Variants in NKAIN2 observed in about 807,000 individuals in gnomAD.
NKAIN2 encodes the protein sodium/potassium-transporting ATPase subunit beta-1-interacting protein 2.
In NKAIN2, 14 loss-of-function variants were observed where a neutral mutation model predicts 32.6. The observed-to-expected ratio is 0.43, with a 90% CI of 0.28 to 0.67. The LOEUF (loss-of-function observed/expected upper bound fraction) is 0.67, where lower values mean the gene tolerates loss of function less well. Among genes scored for constraint, NKAIN2 ranks in the 30% least tolerant of loss-of-function variants. The pLI, the probability that NKAIN2 is intolerant of heterozygous loss-of-function variation, is 0.17. For missense variants in NKAIN2, 198 were observed against 258.3 expected (o/e 0.77, Z 1.60); for synonymous variants, 80 against 87.2 (o/e 0.92, Z 0.46).
At chr6:123,960,423 CA>C (rs756550256) in intron 1 of NKAIN2, among the ~76,000 whole-genome samples, 29 of 152,166 alleles carry the variant, frequency 1.9e-4, no homozygotes, top group Non-Finnish European at 3.5e-4. Context: ...CACCACCAAG[CA>C]GGCTTTGAAG....
At chr6:124,763,993 G>A (rs1307867957) in intron 4 of NKAIN2, among the ~76,000 whole-genome samples, 1 of 152,006 alleles carries the variant, frequency 6.6e-6, no homozygotes, top group Middle Eastern at 3.2e-3. Context: ...GTTTGCTTTG[G>A]TCCTATGATC....
At chr6:124,238,073 AG>A (rs1220379804) in intron 1 of NKAIN2, among the ~76,000 whole-genome samples, 3 of 152,120 alleles carry the variant, frequency 2.0e-5, no homozygotes, top group African/African-American at 7.2e-5. Context: ...AAGATAAAAC[AG>A]AACAAATGAT....
intron 4 of NKAIN2, among the ~76,000 whole-genome samples, chr6:124,767,795 G>T (rs979086007): frequency 6.6e-6 from 1 of 152,126 alleles, no homozygotes; most frequent in African/African-American, 2.4e-5. Flanking sequence ...CACTGCACTT[G>T]CCCATTTATT....
At chr6:124,155,145 G>T (rs1323140401) in intron 1 of NKAIN2, among the ~76,000 whole-genome samples, 2 of 152,004 alleles carry the variant, frequency 1.3e-5, no homozygotes, top group Admixed American at 1.3e-4. Context: ...ATTAATTCTA[G>T]TTATCCCAAC....
chr6:123,842,674 G>GTT (rs5879704), intron 1 of NKAIN2, among the ~76,000 whole-genome samples: 1 of 147,888 alleles, frequency 6.8e-6, no homozygotes, highest in African/African-American at 2.5e-5. Context: ...CTATGTTTTT[G>GTT]TTTTTTTTTT....
rs149811157 is a variant in NKAIN2, at chr6:124,362,686, A to T, written c.273+7339A>T. On this transcript the variant is annotated intron_variant, in intron 3 of 6. Coordinates refer to ENST00000368417, the MANE Select transcript of NKAIN2 (RefSeq NM_001040214.3). ...TTCCTGCTGGTGTCAGGTCAATTCT[A>T]TTGTCACCTTAAATTCAAAATGTCC... Among the ~76,000 whole-genome samples the T allele has an allele frequency of 9.6e-3, 1,455 of 152,190 alleles. 25 individuals are homozygous for T. Among genetic ancestry groups the T allele is most frequent in the African/African-American group, 0.033 (1,384 of 41,522 alleles).
At chr6:124,252,616 A>G (rs1322418505) in intron 1 of NKAIN2, among the ~76,000 whole-genome samples, 1 of 151,998 alleles carries the variant, frequency 6.6e-6, no homozygotes, top group African/African-American at 2.4e-5. Flanking sequence ...GTGTAAATAT[A>G]TAAAGACAAA....
intron 1 of NKAIN2, among the ~76,000 whole-genome samples, chr6:124,211,060 T>G (rs369551138): frequency 1.3e-5 from 2 of 151,738 alleles, no homozygotes; most frequent in East Asian, 3.9e-4. Flanking sequence ...GAGAAAATCA[T>G]GTAGAATATG....
At chr6:123,896,535 C>A (rs1479379572) in intron 1 of NKAIN2, among the ~76,000 whole-genome samples, 1 of 152,126 alleles carries the variant, frequency 6.6e-6, no homozygotes, top group South Asian at 2.1e-4. Flanking sequence ...AGCACATGAC[C>A]ATTCATGATG....
chr6:123,881,570 A>G (rs889042341), intron 1 of NKAIN2, among the ~76,000 whole-genome samples: 2 of 152,216 alleles, frequency 1.3e-5, no homozygotes, highest in Non-Finnish European at 2.9e-5. Context: ...AATGGATCGC[A>G]TAGAAAATGC....
chr6:124,658,039 C>T (rs1174968183), intron 3 of NKAIN2, 147 bp from the exon 4 acceptor site: 7 of 594,324 alleles, frequency 1.2e-5, no homozygotes, highest in East Asian at 5.5e-5. Flanking sequence ...GCTGTGTCCT[C>T]GCTTCCTGTA....
At chr6:124,407,093 T>G (rs58412175) in intron 3 of NKAIN2, among the ~76,000 whole-genome samples, 2,402 of 152,284 alleles carry the variant, frequency 0.016, 56 homozygotes, top group African/African-American at 0.055. Context: ...AAGCTTTTGA[T>G]GTCATTTATA....
intron 2 of NKAIN2, among the ~76,000 whole-genome samples, chr6:124,347,226 C>G (rs201643639): frequency 3.4e-5 from 5 of 148,072 alleles, no homozygotes; most frequent in Non-Finnish European, 7.5e-5. Context: ...ATGGGCTTCC[C>G]TTTGTGGGTA....
chr6:124,117,194 G>T (rs897754347), intron 1 of NKAIN2, among the ~76,000 whole-genome samples: 37 of 151,972 alleles, frequency 2.4e-4, no homozygotes, highest in African/African-American at 8.9e-4. Context: ...TTATTTCATA[G>T]AAAAATTCTG....
chr6:124,213,144 A>C (rs1455819631), intron 1 of NKAIN2, among the ~76,000 whole-genome samples: 2 of 152,096 alleles, frequency 1.3e-5, no homozygotes, highest in African/African-American at 4.8e-5. Context: ...CAGCTGATAA[A>C]AGTTACCTTC....
chr6:124,305,797 A>G (rs1583022677), intron 2 of NKAIN2, among the ~76,000 whole-genome samples: 1 of 152,088 alleles, frequency 6.6e-6, no homozygotes, highest in Admixed American at 6.6e-5. Context: ...TTAATTTTCA[A>G]TATACTCATT....
intron 1 of NKAIN2, among the ~76,000 whole-genome samples, chr6:124,201,844 T>G (rs1422105794): frequency 6.6e-6 from 1 of 152,074 alleles, no homozygotes; most frequent in Non-Finnish European, 1.5e-5. Flanking sequence ...AAGTGTATTG[T>G]TTTATCCTTC....
chr6:124,637,435 G>A (rs1468356610), intron 3 of NKAIN2, among the ~76,000 whole-genome samples: 1 of 152,028 alleles, frequency 6.6e-6, no homozygotes, highest in African/African-American at 2.4e-5. Flanking sequence ...TGGAAAAAAA[G>A]GAAGTCAAAT....
intron 1 of NKAIN2, among the ~76,000 whole-genome samples, chr6:124,071,542 T>G (rs987485369): frequency 6.6e-6 from 1 of 152,080 alleles, no homozygotes; most frequent in African/African-American, 2.4e-5. Context: ...ACAGACAGCC[T>G]ACAGAATGGG....
Sources: gnomAD v4.1 joint callset for allele counts (sites outside exome capture counted in the v4.1 genomes callset) on GRCh38, gnomAD v4.1.1 for gene constraint, MANE v1.5 for transcripts, NCBI Gene and HGNC (gene_info 2026-07-23, HGNC 2026-07-21) for gene names.